TRIM42: variants seen among roughly 807,000 people sequenced by gnomAD.
TRIM42 encodes the protein tripartite motif containing 42.
A neutral mutation model predicts 64.9 loss-of-function variants in TRIM42; 59 were observed. The ratio of observed to expected loss-of-function variants is 0.91; its 90% CI spans 0.74 to 1.13. The LOEUF (loss-of-function observed/expected upper bound fraction) is 1.13, where lower values mean the gene tolerates loss of function less well. Among genes scored for constraint, TRIM42 ranks in the 50% most tolerant of loss-of-function variants. TRIM42 has a pLI of 0.00. For synonymous variants in TRIM42, 354 were observed against 346.3 expected (o/e 1.02, Z -0.25); for missense variants, 878 against 929.5 (o/e 0.94, Z 0.72).
intron 2 of TRIM42, among the ~76,000 whole-genome samples, chr3:140,687,178 G>A (rs114562391): frequency 6.6e-6 from 1 of 152,086 alleles, no homozygotes; most frequent in Non-Finnish European, 1.5e-5. Flanking sequence ...AGGGACAAAG[G>A]GGGGAAAAGG....
At chr3:140,688,602 G>A in intron 3 of TRIM42, 60 bp downstream of exon 3, 6 of 1,385,988 alleles carry the variant, frequency 4.3e-6, no homozygotes, top group Non-Finnish European at 5.9e-6. Context: ...GAGTAGAAGT[G>A]AGTAGTCAGG....
chr3:140,681,182 A>C (rs1988384408), intron 1 of TRIM42, among the ~76,000 whole-genome samples: 1 of 152,230 alleles, frequency 6.6e-6, no homozygotes, highest in Non-Finnish European at 1.5e-5. Flanking sequence ...ACAAATGGAG[A>C]GCCTTAACAC....
At chr3:140,691,713 G>A (rs368340594) in intron 4 of TRIM42, among the ~76,000 whole-genome samples, 2 of 152,168 alleles carry the variant, frequency 1.3e-5, no homozygotes, top group East Asian at 1.9e-4. Context: ...TCTGAAAGTC[G>A]AGAAACTGCC....
Position 140,678,488 on chromosome 3 carries a change from A to G in TRIM42, c.259A>G (p.Asn87Asp). 1 of 1,614,128 alleles carries G rather than the reference A, an allele frequency of 6.2e-7. No individual in the cohort carries two copies. Among genetic ancestry groups the G allele is most frequent in the Non-Finnish European group, 8.5e-7 (1 of 1,179,992 alleles). The change falls in exon 1 of 5, where the codon AAC (asparagine) becomes GAC (aspartate). Residue 87 changes from asparagine (N) to aspartate (D), a missense_variant. Transcript: ENST00000286349. ...CTGCTGCACAGCCAGCAGCAATCTC[A>G]ACTGCTACTACTATGAGAGCCGCTG... ...KCCCTASSNLNCYYYESRCCR... is the reference protein window; with the variant it reads ...KCCCTASSNLDCYYYESRCCR...
At chr3:140,694,103 G>A (rs1988790508) in intron 4 of TRIM42, among the ~76,000 whole-genome samples, 2 of 152,298 alleles carry the variant, frequency 1.3e-5, no homozygotes, top group South Asian at 2.1e-4. Context: ...ATGCTCAAAT[G>A]GAACTAAGTC....
At position 140,683,178 on chromosome 3, in the gene TRIM42, C is replaced by A; in HGVS notation, c.1039+19C>A. On this transcript the variant is annotated intron_variant, in intron 2 of 4. Coordinates refer to ENST00000286349, the MANE Select transcript of TRIM42 (RefSeq NM_152616.5). ...AAAGCAGGTCCTCCCCTTTTCCACT[C>A]CTTCAGCCTAACTTCTAGTTCAGGA... The A allele has an allele frequency of 6.2e-7, 1 of 1,611,452 alleles. No homozygotes were observed. The highest frequency in any genetic ancestry group is 1.1e-5 in the South Asian group (1 of 90,986).
At chr3:140,678,712 C>T in intron 1 of TRIM42, 142 bp downstream of exon 1, 2 of 669,094 alleles carry the variant, frequency 3.0e-6, no homozygotes, top group Non-Finnish European at 5.0e-6. Context: ...AATTTTGTAG[C>T]AATTAATTGT....
intron 4 of TRIM42, among the ~76,000 whole-genome samples, chr3:140,692,251 A>G (rs1988733907): frequency 6.6e-6 from 1 of 151,878 alleles, no homozygotes; most frequent in South Asian, 2.1e-4. Context: ...CAGCTTGTAT[A>G]TGGTTTTGAA....
chr3:140,688,542 G>C lies in TRIM42; in HGVS notation c.1860G>C (p.Lys620Asn). The C allele has an allele frequency of 6.2e-7, 1 of 1,601,796 alleles. No homozygotes were observed. Reference protein sequence around the residue: ...YQTLVYPRAAKVYWTCPAEDV... With the variant: ...YQTLVYPRAANVYWTCPAEDV... ...CTCTGGTGTACCCAAGAGCTGCCAA[G>C]GTAAGAAAGGTTCTGGGCCCAGTGG... Residue 620 changes from lysine to asparagine, a missense_variant and splice_region_variant, in exon 3 of 5, where the codon AAG (lysine) becomes AAC (asparagine). By Grantham distance (94) the Lys-to-Asn change is moderately conservative. Transcript: ENST00000286349.
chr3:140,679,428 G>T (rs186956015), intron 1 of TRIM42, among the ~76,000 whole-genome samples: 12 of 152,302 alleles, frequency 7.9e-5, no homozygotes, highest in African/African-American at 2.9e-4. Context: ...GAAGCGGAAA[G>T]ATGACAGCAC....
intron 4 of TRIM42, among the ~76,000 whole-genome samples, chr3:140,698,197 A>C (rs1988906348): frequency 6.6e-6 from 1 of 152,214 alleles, no homozygotes; most frequent in Admixed American, 6.5e-5. Context: ...AGCTAATCAT[A>C]GAAATTTATT....
intron 3 of TRIM42, 57 bp downstream of exon 3, chr3:140,688,599 A>G: frequency 7.0e-7 from 1 of 1,419,094 alleles, no homozygotes; most frequent in Non-Finnish European, 9.6e-7. Context: ...ACAGAGTAGA[A>G]GTGAGTAGTC....
Position 140,701,100 on chromosome 3 carries a change from C to A in TRIM42, c.*126C>A. On this transcript the variant is annotated 3_prime_UTR_variant, in exon 5 of 5. Coordinates refer to ENST00000286349, the MANE Select transcript of TRIM42 (RefSeq NM_152616.5). ...TTGTAGACAAATGTTTCCATGACCT[C>A]TCAGCTTTCCAACAGGAATCTTGTA... 1 of 738,704 alleles carries A rather than the reference C, an allele frequency of 1.4e-6. No homozygotes were observed. 45.8% of individuals were successfully genotyped at this position (738,704 alleles called of 1,614,324 possible). A position where few individuals can be genotyped will look rare whatever the true frequency, so the allele number is the denominator to read the frequency against.
chr3:140,700,354 A>T (rs994840402), intron 4 of TRIM42, among the ~76,000 whole-genome samples: 2 of 152,192 alleles, frequency 1.3e-5, no homozygotes, highest in African/African-American at 2.4e-5. Context: ...AAATTATATT[A>T]TATTATAGTT....
In TRIM42 at chr3:140,678,281, T is replaced by A. The variant is rs1191696193; in HGVS notation, c.52T>A (p.Cys18Ser). The A allele has an allele frequency of 6.2e-7, 1 of 1,614,056 alleles. No individual in the cohort carries two copies. The highest frequency in any genetic ancestry group is 8.5e-7 in the Non-Finnish European group (1 of 1,180,038). Residue 18 changes from cysteine (C) to serine (S), a missense_variant, in exon 1 of 5, where the codon TGT becomes AGT. Transcript: ENST00000286349. ...CCPCCTWQRC[C>S]PQLCSCLCCK... ...TCCATGTTGTACATGGCAGAGATGT[T>A]GTCCTCAGTTATGCTCCTGTCTGTG... is the stretch of plus-strand genomic sequence containing the variant.
At chr3:140,698,934 A>G (rs371775125) in intron 4 of TRIM42, among the ~76,000 whole-genome samples, 21 of 152,264 alleles carry the variant, frequency 1.4e-4, no homozygotes, top group East Asian at 9.6e-4. Context: ...GTGTTAGTAG[A>G]TATCCTTGTC....
chr3:140,690,573 A>C (rs1428010695), intron 3 of TRIM42, among the ~76,000 whole-genome samples: 1 of 55,602 alleles, frequency 1.8e-5, no homozygotes, highest in Non-Finnish European at 4.6e-5. Flanking sequence ...ATATATATAT[A>C]TATATATATA....
intron 4 of TRIM42, among the ~76,000 whole-genome samples, chr3:140,696,346 G>T (rs1367231459): frequency 6.6e-6 from 1 of 151,946 alleles, no homozygotes; most frequent in Non-Finnish European, 1.5e-5. Flanking sequence ...CATCTATGTT[G>T]TTATGGGCAT....
At position 140,700,871 on chromosome 3, in the gene TRIM42, T is replaced by C; in HGVS notation, c.2086-17T>C. ...TGTTGTCTATTGGGTGTCATGACTCTTCGCTTCTGATTGCAGGTGGTAACA... is the reference window on the plus strand; with the variant it reads ...TGTTGTCTATTGGGTGTCATGACTCCTCGCTTCTGATTGCAGGTGGTAACA... On this transcript the variant is annotated splice_polypyrimidine_tract_variant and intron_variant, in intron 4 of 4. Coordinates refer to ENST00000286349, the MANE Select transcript of TRIM42 (RefSeq NM_152616.5). 1 of 1,613,490 alleles carries C rather than the reference T, an allele frequency of 6.2e-7. No individual in the cohort carries two copies. The highest frequency in any genetic ancestry group is 8.5e-7 in the Non-Finnish European group (1 of 1,179,496).
Sources: gnomAD v4.1 joint callset for allele counts (sites outside exome capture counted in the v4.1 genomes callset) on GRCh38, gnomAD v4.1.1 for gene constraint, MANE v1.5 for transcripts, NCBI Gene and HGNC (gene_info 2026-07-23, HGNC 2026-07-21) for gene names.